Variants in NME7 observed in about 807,000 individuals in gnomAD.
NME7 encodes nucleoside diphosphate kinase 7.
In NME7, 41 loss-of-function variants were observed where a neutral mutation model predicts 49.1. The ratio of observed to expected loss-of-function variants is 0.83; its 90% CI spans 0.65 to 1.08. The LOEUF is 1.08. Among genes scored for constraint, NME7 ranks in the 50% least tolerant of loss-of-function variants. The probability of loss-of-function intolerance (pLI) is 0.00; values close to 1 mark genes in which losing one functional copy is unlikely to be tolerated. For missense variants in NME7, 423 were observed against 463.4 expected, an observed-to-expected ratio of 0.91 and a Z score of 0.80; for synonymous variants, 139 against 150.6, an observed-to-expected ratio of 0.92 and a Z score of 0.56.
chr1:169,288,461 T>G (rs1294119819), intron 6 of NME7, among the ~76,000 whole-genome samples: 1 of 152,196 alleles, frequency 6.6e-6, no homozygotes, highest in Non-Finnish European at 1.5e-5. Flanking sequence ...TTGCAAATAC[T>G]GCATTTTCAA....
At chr1:169,278,155 A>G (rs893011099) in intron 7 of NME7, among the ~76,000 whole-genome samples, 1 of 150,454 alleles carries the variant, frequency 6.6e-6, no homozygotes, top group African/African-American at 2.4e-5. Flanking sequence ...GAATCTGACA[A>G]TTATATGTCT....
chr1:169,218,398 C>T (rs1370620947), intron 10 of NME7, among the ~76,000 whole-genome samples: 1 of 152,064 alleles, frequency 6.6e-6, no homozygotes, highest in Admixed American at 6.5e-5. Flanking sequence ...CCAGCCTGGG[C>T]AACATGGTGG....
At chr1:169,170,084 A>G (rs954898106) in intron 10 of NME7, among the ~76,000 whole-genome samples, 2 of 152,312 alleles carry the variant, frequency 1.3e-5, no homozygotes, top group South Asian at 4.1e-4. Context: ...GAAAAGGTGG[A>G]TCAATGAATT....
chr1:169,317,588 AG>A (rs1651696294), intron 3 of NME7, among the ~76,000 whole-genome samples: 1 of 152,160 alleles, frequency 6.6e-6, no homozygotes, highest in Non-Finnish European at 1.5e-5. Flanking sequence ...GCCCTTCTGC[AG>A]CCAAAACTCA....
intron 11 of NME7, among the ~76,000 whole-genome samples, chr1:169,165,496 G>C (rs561587446): frequency 6.6e-6 from 1 of 152,094 alleles, no homozygotes; most frequent in Non-Finnish European, 1.5e-5. Flanking sequence ...TCTAGTTTGC[G>C]TGTGACAGTT....
At chr1:169,284,086 A>G (rs1400415739) in intron 7 of NME7, 3 of 152,160 alleles carry the variant, frequency 2.0e-5, no homozygotes, top group Admixed American at 2.0e-4. Flanking sequence ...AGGTACACCA[A>G]TCAAACGCAG....
chr1:169,143,246 T>G (rs1281119964), intron 11 of NME7, among the ~76,000 whole-genome samples: 1 of 149,370 alleles, frequency 6.7e-6, no homozygotes, highest in East Asian at 2.0e-4. Context: ...CATGGCCCAA[T>G]CTCTATTTCT....
intron 10 of NME7, among the ~76,000 whole-genome samples, chr1:169,187,847 G>A (rs1438743403): frequency 6.6e-6 from 1 of 152,142 alleles, no homozygotes; most frequent in Non-Finnish European, 1.5e-5. Flanking sequence ...AGTGTCAGTG[G>A]TCTTTAAAAT....
Position 169,232,160 on chromosome 1 carries a change from T to C in NME7, c.889-1341A>G, listed in dbSNP as rs1227259283. On this transcript the variant is annotated intron_variant, in intron 9 of 11. Transcript: ENST00000367811. ...GATCCAAATACAACGTCTAGAGATA[T>C]AATCTAAGACATCTAAATTTAAAAA... 2.0e-5 allele frequency among the ~76,000 whole-genome samples: 3 copies of C among 152,222 alleles called. No individual in the cohort carries two copies. In the East Asian group the frequency reaches 5.8e-4, roughly 29 times the overall value.
chr1:169,323,014 GTCCTATCCATCC>G, intron 3 of NME7, 91 bp downstream of exon 3: 2 of 864,972 alleles, frequency 2.3e-6, no homozygotes, highest in Non-Finnish European at 3.2e-6. Flanking sequence ...CATTTTCCAG[GTCCTATCCATCC>G]TCATATGGTT....
Position 169,199,450 on chromosome 1 carries a change from T to TTTATTA in NME7, c.991-29902_991-29897dup, listed in dbSNP as rs150975177. Reference sequence around the variant, plus strand: ...ATAGATAACAGAACCCAGGGTCTTTTTTATTATTATTATTATTATTATTAT... The same window carrying TTTATTA: ...ATAGATAACAGAACCCAGGGTCTTTTTTATTATTATTATTATTATTATTATTATTAT... On this transcript the variant is annotated intron_variant, in intron 10 of 11. Coordinates refer to ENST00000367811, the MANE Select transcript of NME7 (RefSeq NM_013330.5). 2.8e-3 allele frequency among the ~76,000 whole-genome samples: 307 copies of TTTATTA among 111,546 alleles called. 2 individuals carry two copies. The highest frequency in any genetic ancestry group is 5.9e-3 in the African/African-American group (175 of 29,910). The allele number at this position is 111,546 out of a possible 152,430, so 73.2% of individuals were successfully genotyped here.
chr1:169,355,820 T>C (rs1026816423), intron 1 of NME7, among the ~76,000 whole-genome samples: 7 of 152,122 alleles, frequency 4.6e-5, no homozygotes, highest in Admixed American at 4.6e-4. Flanking sequence ...TACATATTTG[T>C]TTATTCTGCA....
intron 10 of NME7, among the ~76,000 whole-genome samples, chr1:169,189,527 G>A (rs1416851133): frequency 6.6e-6 from 1 of 152,054 alleles, no homozygotes; most frequent in African/African-American, 2.4e-5. Context: ...ACAGGATAAA[G>A]AGCAAGTTTT....
At chr1:169,228,306 TTTTG>T (rs1419785371) in intron 10 of NME7, among the ~76,000 whole-genome samples, 1 of 152,158 alleles carries the variant, frequency 6.6e-6, no homozygotes, top group Non-Finnish European at 1.5e-5. Flanking sequence ...TTCTTTCCTT[TTTTG>T]TTTTAGTTTT....
At chr1:169,228,415 C>T (rs1475804175) in intron 10 of NME7, among the ~76,000 whole-genome samples, 2 of 152,018 alleles carry the variant, frequency 1.3e-5, no homozygotes, top group African/African-American at 2.4e-5. Context: ...CGGTGGCTCA[C>T]GCCTGTAATC....
At chr1:169,159,195 T>C (rs1431505090) in intron 11 of NME7, among the ~76,000 whole-genome samples, 3 of 152,116 alleles carry the variant, frequency 2.0e-5, no homozygotes, top group African/African-American at 7.2e-5. Flanking sequence ...CCTTTTGCCC[T>C]CACTCTTCTT....
In NME7 at chr1:169,269,495, G is replaced by A. The variant is rs2101872267; in HGVS notation, c.754+17808C>T. Among the ~76,000 whole-genome samples, 2 of 133,560 alleles carry A rather than the reference G, an allele frequency of 1.5e-5. 1 individual carries two copies. Among genetic ancestry groups the A allele is most frequent in the Non-Finnish European group, 3.5e-5 (2 of 56,940 alleles). The allele number at this position is 133,560 out of a possible 152,430, so 87.6% of individuals were successfully genotyped here. A position where few individuals can be genotyped will look rare whatever the true frequency, so the allele number is the denominator to read the frequency against. Reference sequence around the variant, plus strand: ...CATGCCTCTTTCACAGTATCCTAGTGGATGAACTGCATGAAGGAAATCAAA... The same window carrying A: ...CATGCCTCTTTCACAGTATCCTAGTAGATGAACTGCATGAAGGAAATCAAA... On this transcript the variant is annotated intron_variant, in intron 7 of 11. Transcript: ENST00000367811.
intron 3 of NME7, chr1:169,322,556 A>G (rs556509206): frequency 1.3e-5 from 2 of 152,066 alleles, no homozygotes; most frequent in Non-Finnish European, 2.9e-5. Flanking sequence ...ACAGTTATGA[A>G]TAAGATACAT....
At chr1:169,178,193 C>T (rs1272346914) in intron 10 of NME7, among the ~76,000 whole-genome samples, 1 of 152,144 alleles carries the variant, frequency 6.6e-6, no homozygotes, top group Non-Finnish European at 1.5e-5. Context: ...CAACAGAAAT[C>T]AGATGTGATC....
Sources: allele counts gnomAD v4.1 joint callset (sites outside exome capture counted in the v4.1 genomes callset), GRCh38; gene constraint gnomAD v4.1.1; transcripts MANE v1.5; gene names NCBI Gene and HGNC (gene_info 2026-07-23, HGNC 2026-07-21).